The following FHIT variants were observed in gnomAD, a reference collection of about 807,000 sequenced individuals.
FHIT encodes the protein bis(5'-adenosyl)-triphosphatase.
A neutral mutation model predicts 17.9 loss-of-function variants in FHIT; 19 were observed. The ratio of observed to expected loss-of-function variants is 1.06; its 90% CI spans 0.74 to 1.56. The LOEUF (loss-of-function observed/expected upper bound fraction) is 1.56. FHIT is among the 40% of genes most tolerant of loss of function. FHIT has a pLI of 0.00. For missense variants in FHIT, 248 were observed against 189.2 expected (o/e 1.31, Z -1.82); for synonymous variants, 81 against 69.7 (o/e 1.16, Z -0.81).
intron 5 of FHIT, among the ~76,000 whole-genome samples, chr3:60,444,404 T>C (rs187868174): frequency 3.8e-4 from 58 of 152,324 alleles, no homozygotes; most frequent in Admixed American, 1.6e-3. Context: ...CGTATGTTTA[T>C]TGCGGCACTA....
At chr3:60,991,548 G>C (rs1321907971) in intron 3 of FHIT, among the ~76,000 whole-genome samples, 1 of 152,158 alleles carries the variant, frequency 6.6e-6, no homozygotes, top group African/African-American at 2.4e-5. Context: ...AGATCCCAAG[G>C]CCCTGTCTTT....
At chr3:60,192,062 C>G (rs903008207) in intron 5 of FHIT, among the ~76,000 whole-genome samples, 1 of 151,830 alleles carries the variant, frequency 6.6e-6, no homozygotes, top group Non-Finnish European at 1.5e-5. Context: ...ACCAGCCTAG[C>G]AAACATGGCG....
At chr3:60,341,239 A>T (rs1259864531) in intron 5 of FHIT, among the ~76,000 whole-genome samples, 1 of 152,192 alleles carries the variant, frequency 6.6e-6, no homozygotes, top group Non-Finnish European at 1.5e-5. Flanking sequence ...TTTAGTTTGT[A>T]AGGTATACCT....
chr3:60,652,917 A>G (rs2040027654), intron 4 of FHIT, among the ~76,000 whole-genome samples: 2 of 112,688 alleles, frequency 1.8e-5, no homozygotes, highest in South Asian at 3.2e-4. Flanking sequence ...CTCAAACAAA[A>G]CAAAACAAAA....
rs1035962325 is a variant in FHIT at position 60,002,233 on chromosome 3, A to G, written c.279+9138T>C. On this transcript the variant is annotated intron_variant, in intron 7 of 9. Coordinates refer to ENST00000492590, the MANE Select transcript of FHIT (RefSeq NM_002012.4). Reference sequence around the variant, plus strand: ...TGGAAGTTTTCATTACTGGAATCCAATAATATTATCTTTATGTTGAATAAG... The same window carrying G: ...TGGAAGTTTTCATTACTGGAATCCAGTAATATTATCTTTATGTTGAATAAG... Among the ~76,000 whole-genome samples, 14 of 152,264 alleles carry G rather than the reference A, an allele frequency of 9.2e-5. 1 individual carries two copies. The highest frequency in any genetic ancestry group is 6.5e-4 in the Admixed American group (10 of 15,278).
At chr3:60,755,790 G>C (rs1457586209) in intron 4 of FHIT, among the ~76,000 whole-genome samples, 2 of 152,206 alleles carry the variant, frequency 1.3e-5, no homozygotes, top group African/African-American at 2.4e-5. Context: ...CAATGAGCCA[G>C]ACTCTGAAGT....
intron 8 of FHIT, among the ~76,000 whole-genome samples, chr3:59,895,954 G>C (rs1345907781): frequency 6.6e-6 from 1 of 152,192 alleles, no homozygotes; most frequent in Non-Finnish European, 1.5e-5. Context: ...GCCTGGGAAT[G>C]CTCTTCATCT....
At chr3:60,856,655 GA>G (rs1309022194) in intron 3 of FHIT, 1 of 152,068 alleles carries the variant, frequency 6.6e-6, no homozygotes, top group African/African-American at 2.4e-5. Flanking sequence ...ACTCTGCCCA[GA>G]GATCTTCAGT....
intron 5 of FHIT, among the ~76,000 whole-genome samples, chr3:60,087,323 C>A (rs1051556668): frequency 6.6e-6 from 1 of 152,146 alleles, no homozygotes; most frequent in Non-Finnish European, 1.5e-5. Context: ...GCCTTTTTCC[C>A]ATTGGCTTGA....
At chr3:60,091,262 T>A (rs1402567604) in intron 5 of FHIT, among the ~76,000 whole-genome samples, 1 of 152,188 alleles carries the variant, frequency 6.6e-6, no homozygotes, top group South Asian at 2.1e-4. Context: ...CAAGGACATA[T>A]GAGTTTGTTA....
At chr3:60,252,091 G>C (rs1003823432) in intron 5 of FHIT, among the ~76,000 whole-genome samples, 2 of 152,144 alleles carry the variant, frequency 1.3e-5, no homozygotes, top group Admixed American at 1.3e-4. Context: ...TTGGCTGTAT[G>C]ACAAAATATG....
At chr3:61,197,517 A>C (rs2106653542) in intron 2 of FHIT, among the ~76,000 whole-genome samples, 1 of 152,366 alleles carries the variant, frequency 6.6e-6, no homozygotes, top group South Asian at 2.1e-4. Context: ...AGAGCACAGA[A>C]GTAGTCAACA....
At chr3:60,634,291 CA>C (rs112070988) in intron 4 of FHIT, among the ~76,000 whole-genome samples, 33,160 of 150,714 alleles carry the variant, frequency 0.22, 3,920 homozygotes, top group Admixed American at 0.27. Context: ...TCTAAAACAA[CA>C]AAAAAAAAAT....
intron 5 of FHIT, among the ~76,000 whole-genome samples, chr3:60,230,716 A>G (rs1361268192): frequency 3.3e-5 from 5 of 152,058 alleles, no homozygotes; most frequent in Non-Finnish European, 7.4e-5. Context: ...ATTTTTGTTT[A>G]TTTGTGTTTT....
chr3:61,208,621 T>C (rs1459516132), intron 1 of FHIT, among the ~76,000 whole-genome samples: 1 of 151,884 alleles, frequency 6.6e-6, no homozygotes, highest in Admixed American at 6.6e-5. Flanking sequence ...GTTTTATCAG[T>C]GACTAGGATT....
intron 5 of FHIT, among the ~76,000 whole-genome samples, chr3:60,223,298 G>C (rs1161906799): frequency 1.3e-5 from 2 of 152,092 alleles, no homozygotes; most frequent in African/African-American, 4.8e-5. Flanking sequence ...CAGGTACAGG[G>C]AGCTTAAGTC....
chr3:60,567,766 A>C lies in FHIT; in HGVS notation c.-17-30787T>G, dbSNP rs535936489. ...AACTCAAACAAATCTACAAGAAAAA[A>C]ACAAACAGTCCCAGCAAAAAGTGGG... is the stretch of plus-strand genomic sequence containing the variant. On this transcript the variant is annotated intron_variant, in intron 4 of 9. Transcript: ENST00000492590. Among the ~76,000 whole-genome samples the C allele has an allele frequency of 7.2e-5, 11 of 152,278 alleles. No individual in the cohort carries two copies. In the East Asian group the frequency reaches 2.1e-3, roughly 29 times the overall value.
chr3:60,549,627 C>A (rs1385325600), intron 4 of FHIT, among the ~76,000 whole-genome samples: 1 of 152,156 alleles, frequency 6.6e-6, no homozygotes, highest in Non-Finnish European at 1.5e-5. Flanking sequence ...TAATGCCAGG[C>A]ATTCTCTAAT....
At chr3:60,170,390 A>G (rs1368391053) in intron 5 of FHIT, among the ~76,000 whole-genome samples, 2 of 152,162 alleles carry the variant, frequency 1.3e-5, no homozygotes, top group African/African-American at 2.4e-5. Context: ...ATTTGAGCCA[A>G]TAACTCCTCC....
Sources: gnomAD v4.1 joint callset for allele counts (sites outside exome capture counted in the v4.1 genomes callset) on GRCh38, gnomAD v4.1.1 for gene constraint, MANE v1.5 for transcripts, NCBI Gene and HGNC (gene_info 2026-07-23, HGNC 2026-07-21) for gene names.